The following SLC4A4 variants were observed in gnomAD, a reference collection of about 807,000 sequenced individuals.
SLC4A4 encodes electrogenic sodium bicarbonate cotransporter 1.
A neutral mutation model predicts 111.5 loss-of-function variants in SLC4A4; 27 were observed. The observed-to-expected ratio is 0.24, with a 90% CI of 0.18 to 0.33. The LOEUF is 0.33. Ranked by LOEUF, SLC4A4 falls within the 10% of genes least tolerant of loss-of-function variation. The pLI is 1.00. For synonymous variants in SLC4A4, 443 were observed against 463.4 expected, an observed-to-expected ratio of 0.96 and a Z score of 0.57; for missense variants, 909 against 1,315.5, an observed-to-expected ratio of 0.69 and a Z score of 4.78.
intron 2 of SLC4A4, among the ~76,000 whole-genome samples, chr4:71,149,452 T>C (rs1429467678): frequency 1.3e-5 from 2 of 152,130 alleles, no homozygotes; most frequent in African/African-American, 4.8e-5. Flanking sequence ...GTCATAAATT[T>C]TGTATATTAA....
chr4:71,259,287 G>C (rs1383194022), intron 3 of SLC4A4, among the ~76,000 whole-genome samples: 1 of 152,048 alleles, frequency 6.6e-6, no homozygotes, highest in Non-Finnish European at 1.5e-5. Flanking sequence ...TCAAGACCGG[G>C]TTTCTAAAAA....
intron 7 of SLC4A4, among the ~76,000 whole-genome samples, chr4:71,407,319 T>TG (rs770770378): frequency 2.6e-5 from 4 of 152,216 alleles, no homozygotes; most frequent in Non-Finnish European, 5.9e-5. Context: ...CTCAATGTTA[T>TG]GTGCTGATAC....
rs192576770 is a variant in SLC4A4, at chr4:71,094,870, G to A, written c.-2+2078G>A. Among the ~76,000 whole-genome samples the A allele has an allele frequency of 7.8e-4, 119 of 152,168 alleles. 2 individuals carry two copies. The highest frequency in any genetic ancestry group is 1.8e-4 in the Non-Finnish European group (12 of 68,006). On this transcript the variant is annotated intron_variant, in intron 2 of 26. Coordinates refer to the SLC4A4 transcript ENST00000649996. ...GAGCCAAGCTCTATATTTTCCAGGG[G>A]GAGTCTGTTGATTTTTGTTATATAT...
chr4:71,555,006 A>G, intron 20 of SLC4A4, 134 bp from the exon 21 acceptor site: 1 of 710,340 alleles, frequency 1.4e-6, no homozygotes. Flanking sequence ...CTAGTAAAGC[A>G]TACTAGTTAG....
chr4:71,226,132 G>A (rs533939018), intron 1 of SLC4A4, among the ~76,000 whole-genome samples: 5 of 152,200 alleles, frequency 3.3e-5, no homozygotes, highest in Non-Finnish European at 5.9e-5. Flanking sequence ...CTGCTTCTGG[G>A]TATTTATTAT....
chr4:71,313,045 A>C (rs780170383), intron 3 of SLC4A4, among the ~76,000 whole-genome samples: 2 of 152,230 alleles, frequency 1.3e-5, no homozygotes, highest in Non-Finnish European at 2.9e-5. Flanking sequence ...TCTCAGCCCA[A>C]AAACTCCTTA....
intron 18 of SLC4A4, among the ~76,000 whole-genome samples, chr4:71,535,667 A>G (rs1734348771): frequency 6.6e-6 from 1 of 152,108 alleles, no homozygotes; most frequent in African/African-American, 2.4e-5. Context: ...GGCACAGAGC[A>G]TGGTAGAGAA....
intron 3 of SLC4A4, among the ~76,000 whole-genome samples, chr4:71,305,202 A>G (rs954057088): frequency 6.6e-6 from 1 of 152,196 alleles, no homozygotes; most frequent in African/African-American, 2.4e-5. Flanking sequence ...TGGGATTTGG[A>G]TCTTTGAATG....
chr4:71,175,517 C>T (rs1578552031), intron 2 of SLC4A4, among the ~76,000 whole-genome samples: 1 of 152,250 alleles, frequency 6.6e-6, no homozygotes, highest in Non-Finnish European at 1.5e-5. Flanking sequence ...GCAAACGGCA[C>T]ACCAGGAGAT....
chr4:71,351,977 G>A (rs1364214750), intron 5 of SLC4A4, among the ~76,000 whole-genome samples: 1 of 152,120 alleles, frequency 6.6e-6, no homozygotes, highest in Non-Finnish European at 1.5e-5. Context: ...AGCTGAAAAT[G>A]GAAATCTGAT....
At chr4:71,359,272 A>G (rs1435695299) in intron 6 of SLC4A4, among the ~76,000 whole-genome samples, 1 of 152,232 alleles carries the variant, frequency 6.6e-6, no homozygotes, top group Non-Finnish European at 1.5e-5. Context: ...GTGAAATGTT[A>G]TATATGCTGG....
chr4:71,219,208 C>T (rs1341796677), intron 1 of SLC4A4, among the ~76,000 whole-genome samples: 6 of 152,128 alleles, frequency 3.9e-5, no homozygotes, highest in Non-Finnish European at 8.8e-5. Context: ...TTGCCGCAAT[C>T]GTTAGTTAAG....
At chr4:71,443,503 G>A (rs1338236567) in intron 8 of SLC4A4, among the ~76,000 whole-genome samples, 1 of 152,012 alleles carries the variant, frequency 6.6e-6, no homozygotes, top group Non-Finnish European at 1.5e-5. Flanking sequence ...ATACCATTTT[G>A]CAGTTGAGAG....
intron 2 of SLC4A4, among the ~76,000 whole-genome samples, chr4:71,167,712 C>T (rs7674614): frequency 0.11 from 16,350 of 152,150 alleles, 1,550 homozygotes; most frequent in African/African-American, 0.25. Context: ...CCTCAAAAAT[C>T]GAAACAGTGA....
intron 2 of SLC4A4, among the ~76,000 whole-genome samples, chr4:71,112,979 A>G (rs562887515): frequency 3.9e-5 from 6 of 152,324 alleles, no homozygotes; most frequent in African/African-American, 1.4e-4. Flanking sequence ...TGGGAAAATG[A>G]GGACCTTTAC....
chr4:71,326,430 T>C (rs1246556710), intron 3 of SLC4A4, among the ~76,000 whole-genome samples: 4 of 151,948 alleles, frequency 2.6e-5, no homozygotes, highest in Non-Finnish European at 5.9e-5. Context: ...CTTCATGTGG[T>C]CAACAAAGGG....
At chr4:71,195,449 G>T (rs1303747702) in intron 1 of SLC4A4, among the ~76,000 whole-genome samples, 3 of 152,044 alleles carry the variant, frequency 2.0e-5, no homozygotes, top group African/African-American at 7.2e-5. Context: ...GGGTGATTTA[G>T]TGGAAAATGG....
intron 10 of SLC4A4, 116 bp downstream of exon 10, chr4:71,450,659 A>C: frequency 1.0e-6 from 1 of 978,318 alleles, no homozygotes; most frequent in Non-Finnish European, 1.6e-6. Context: ...GTTCCTGTTT[A>C]ACTTGATGTA....
intron 3 of SLC4A4, among the ~76,000 whole-genome samples, chr4:71,299,278 G>A (rs1560389627): frequency 6.6e-6 from 1 of 152,198 alleles, no homozygotes; most frequent in South Asian, 2.1e-4. Context: ...GCACTTTTGT[G>A]TGTGTGTGGT....
Sources: allele counts gnomAD v4.1 joint callset (sites outside exome capture counted in the v4.1 genomes callset), GRCh38; gene constraint gnomAD v4.1.1; transcripts MANE v1.5; gene names NCBI Gene and HGNC (gene_info 2026-07-23, HGNC 2026-07-21).